Variants in AFG2A observed in about 807,000 individuals in gnomAD.
The protein encoded by AFG2A is AAA ATPase AFG2A, also known as ATPase family gene 2 protein homolog A.
chr4:123,224,187 C>G, the AFG2A span, among the ~76,000 whole-genome samples: 2 of 151,568 alleles, frequency 1.3e-5, no homozygotes, highest in African/African-American at 4.8e-5. Flanking sequence ...TTTGTTGAGT[C>G]ATCTCTCCTT....
At chr4:123,147,540 G>A in the AFG2A span, among the ~76,000 whole-genome samples, 67,380 of 151,944 alleles carry the variant, frequency 0.44, 18,437 homozygotes, top group Non-Finnish European at 0.6. Flanking sequence ...CATCATTCCT[G>A]ATATATAATA....
the AFG2A span, among the ~76,000 whole-genome samples, chr4:123,056,811 A>G: frequency 6.6e-5 from 10 of 152,300 alleles, no homozygotes; most frequent in East Asian, 1.5e-3. Context: ...TTAAAATTCA[A>G]TTATTAAAAT....
At chr4:123,052,979 T>A in the AFG2A span, among the ~76,000 whole-genome samples, 1 of 152,090 alleles carries the variant, frequency 6.6e-6, no homozygotes, top group Non-Finnish European at 1.5e-5. Flanking sequence ...GCAGGAAGCA[T>A]CCAGCACAGA....
At chr4:122,937,159 C>T in the AFG2A span, among the ~76,000 whole-genome samples, 3 of 151,968 alleles carry the variant, frequency 2.0e-5, no homozygotes, top group African/African-American at 7.2e-5. Flanking sequence ...AACAAACAAA[C>T]AAGCAAAATC....
chr4:123,244,044 A>G, the AFG2A span, among the ~76,000 whole-genome samples: 1 of 152,106 alleles, frequency 6.6e-6, no homozygotes, highest in Non-Finnish European at 1.5e-5. Flanking sequence ...AAAACTCAGT[A>G]AGTAATAGAG....
At chr4:123,003,749 G>A in the AFG2A span, among the ~76,000 whole-genome samples, 2 of 152,050 alleles carry the variant, frequency 1.3e-5, no homozygotes, top group African/African-American at 4.8e-5. Context: ...GTGCTCGGTG[G>A]TCAGGGGTCA....
At chr4:123,130,332 T>C in the AFG2A span, among the ~76,000 whole-genome samples, 10 of 152,182 alleles carry the variant, frequency 6.6e-5, no homozygotes, top group African/African-American at 2.4e-4. Flanking sequence ...CTGTCAGTTT[T>C]GATAAATGCA....
At chr4:122,982,840 C>T in the AFG2A span, among the ~76,000 whole-genome samples, 1 of 147,914 alleles carries the variant, frequency 6.8e-6, no homozygotes, top group African/African-American at 2.5e-5. Context: ...TTTCATTTCT[C>T]AGTTTATTTA....
At chr4:123,159,126 G>A in the AFG2A span, among the ~76,000 whole-genome samples, 274 of 152,208 alleles carry the variant, frequency 1.8e-3, 1 homozygote, top group Non-Finnish European at 3.3e-3. Context: ...CAAATGCCAG[G>A]TAAATCAGGC....
the AFG2A span, among the ~76,000 whole-genome samples, chr4:123,037,574 C>G: frequency 1.3e-5 from 2 of 151,626 alleles, no homozygotes; most frequent in Admixed American, 1.3e-4. Context: ...CTATATATAC[C>G]TAAACTCTGT....
the AFG2A span, chr4:122,938,209 T>G: frequency 6.2e-7 from 1 of 1,610,554 alleles, no homozygotes; most frequent in South Asian, 1.1e-5. Flanking sequence ...GAAAAAAGAG[T>G]TGTGGCTTCA....
chr4:123,062,932 A>C, the AFG2A span, among the ~76,000 whole-genome samples: 1 of 152,218 alleles, frequency 6.6e-6, no homozygotes, highest in Non-Finnish European at 1.5e-5. Context: ...CCATTCAAGG[A>C]AATAGAGTGC....
chr4:123,162,981 G>A, the AFG2A span, among the ~76,000 whole-genome samples: 2 of 152,112 alleles, frequency 1.3e-5, no homozygotes, highest in Non-Finnish European at 2.9e-5. Context: ...ATCTGAAAAG[G>A]TTTTAACAAG....
the AFG2A span, among the ~76,000 whole-genome samples, chr4:123,197,107 A>G: frequency 5.8e-4 from 88 of 152,336 alleles, no homozygotes; most frequent in African/African-American, 2.1e-3. Context: ...CTGGATTTAC[A>G]TACTTTACAT....
At chr4:122,973,973 C>G in the AFG2A span, among the ~76,000 whole-genome samples, 1 of 152,110 alleles carries the variant, frequency 6.6e-6, no homozygotes, top group African/African-American at 2.4e-5. Context: ...CCACCGTGCC[C>G]AACTTGTACT....
At chr4:123,032,860 G>A in the AFG2A span, among the ~76,000 whole-genome samples, 8 of 152,296 alleles carry the variant, frequency 5.3e-5, no homozygotes, top group East Asian at 1.3e-3. Flanking sequence ...GTGTTGCCAC[G>A]TCACTTTTTC....
At chr4:122,997,361 C>T in the AFG2A span, among the ~76,000 whole-genome samples, 1 of 152,180 alleles carries the variant, frequency 6.6e-6, no homozygotes, top group South Asian at 2.1e-4. Context: ...TTTGCCTGTT[C>T]TGTACATTTT....
the AFG2A span, chr4:122,923,326 G>A: frequency 6.2e-7 from 1 of 1,613,334 alleles, no homozygotes; most frequent in Non-Finnish European, 8.5e-7. Context: ...CCGGGTGGGA[G>A]ACTAGAGGCC....
the AFG2A span, among the ~76,000 whole-genome samples, chr4:123,184,758 G>A: frequency 6.6e-6 from 1 of 151,204 alleles, no homozygotes; most frequent in East Asian, 1.9e-4. Flanking sequence ...GGATGGTCTC[G>A]ATCTCCTGAC....
Sources: allele counts gnomAD v4.1 joint callset (sites outside exome capture counted in the v4.1 genomes callset), GRCh38; gene constraint gnomAD v4.1.1; transcripts MANE v1.5; gene names NCBI Gene and HGNC (gene_info 2026-07-23, HGNC 2026-07-21).